GPRIN3: variants seen among roughly 807,000 people sequenced by gnomAD.
The protein encoded by GPRIN3 is GPRIN family member 3, also known as G protein-regulated inducer of neurite outgrowth 3.
GPRIN3 carries 12 observed loss-of-function variants against 13.7 expected under a neutral mutation model. That is an observed-to-expected ratio of 0.87 (90% CI 0.56 to 1.42). The LOEUF (loss-of-function observed/expected upper bound fraction) is 1.42. Among genes scored for constraint, GPRIN3 ranks in the 40% most tolerant of loss-of-function variants. The probability of loss-of-function intolerance (pLI) is 0.00; values close to 1 mark genes in which losing one functional copy is unlikely to be tolerated. For synonymous variants in GPRIN3, 377 were observed against 372.7 expected (o/e 1.01, Z -0.13); for missense variants, 1,009 against 958.7 (o/e 1.05, Z -0.69).
intron 1 of GPRIN3, chr4:89,251,174 A>C (rs1723315577): frequency 1.3e-5 from 2 of 152,224 alleles, no homozygotes; most frequent in African/African-American, 4.8e-5. Context: ...ATAGTTTACA[A>C]GATACGAAAT....
At chr4:89,287,018 A>G (rs75764336) in intron 1 of GPRIN3, among the ~76,000 whole-genome samples, 13,364 of 152,148 alleles carry the variant, frequency 0.088, 803 homozygotes, top group Non-Finnish European at 0.14. Context: ...CAAAACAACT[A>G]CTCTGGCCTC....
At chr4:89,266,379 G>A (rs1723779804) in intron 1 of GPRIN3, among the ~76,000 whole-genome samples, 1 of 152,190 alleles carries the variant, frequency 6.6e-6, no homozygotes, top group South Asian at 2.1e-4. Flanking sequence ...ACCTGTCACT[G>A]ATATTGCATG....
rs1288415911 is a variant in GPRIN3, at chr4:89,279,266, A to G, written c.-124+28349T>C. Among the ~76,000 whole-genome samples, 4 of 152,160 alleles carry G rather than the reference A, an allele frequency of 2.6e-5. No homozygotes were observed. In the East Asian group the frequency reaches 7.7e-4, roughly 29 times the overall value. ...GAAATTGCTCAACTGCCTTTAAAAC[A>G]TGTCCTCAGTAGACTCCTTTATTTG... On this transcript the variant is annotated intron_variant, in intron 1 of 1. Coordinates refer to ENST00000609438, the MANE Select transcript of GPRIN3 (RefSeq NM_198281.3).
intron 1 of GPRIN3, among the ~76,000 whole-genome samples, chr4:89,278,844 G>T (rs920129122): frequency 2.0e-5 from 3 of 152,204 alleles, no homozygotes; most frequent in African/African-American, 7.2e-5. Flanking sequence ...GCCTGTCCAA[G>T]GATCTGGGGT....
chr4:89,270,571 A>ATG (rs1723910776), intron 1 of GPRIN3, among the ~76,000 whole-genome samples: 1 of 93,612 alleles, frequency 1.1e-5, no homozygotes, highest in African/African-American at 6.7e-5. Flanking sequence ...TAATTTATAT[A>ATG]TATATATATA....
intron 1 of GPRIN3, among the ~76,000 whole-genome samples, chr4:89,261,770 T>C (rs1157775336): frequency 6.6e-6 from 1 of 152,146 alleles, no homozygotes; most frequent in Non-Finnish European, 1.5e-5. Flanking sequence ...GCTATTTTGA[T>C]GAAATGAATA....
At chr4:89,257,973 G>C (rs575202796) in intron 1 of GPRIN3, among the ~76,000 whole-genome samples, 1 of 151,934 alleles carries the variant, frequency 6.6e-6, no homozygotes, top group Non-Finnish European at 1.5e-5. Context: ...ATGCATGTAC[G>C]TGTACACACA....
chr4:89,273,044 T>C (rs1724002930), intron 1 of GPRIN3, among the ~76,000 whole-genome samples: 1 of 152,180 alleles, frequency 6.6e-6, no homozygotes, highest in South Asian at 2.1e-4. Context: ...TTATTTTTCT[T>C]AATTTAAGAA....
intron 1 of GPRIN3, 43 bp from the exon 2 acceptor site, chr4:89,250,276 T>A (rs1254947865): frequency 1.2e-5 from 16 of 1,324,332 alleles, no homozygotes; most frequent in Non-Finnish European, 1.6e-5. Flanking sequence ...GTACGTCGCT[T>A]AAGGATTGAA....
At chr4:89,264,478 A>G (rs1359211184) in intron 1 of GPRIN3, among the ~76,000 whole-genome samples, 2 of 152,164 alleles carry the variant, frequency 1.3e-5, no homozygotes, top group Admixed American at 1.3e-4. Context: ...ATAACAACAC[A>G]AACAAACTAA....
At chr4:89,277,332 G>A (rs759854985) in intron 1 of GPRIN3, among the ~76,000 whole-genome samples, 38 of 152,294 alleles carry the variant, frequency 2.5e-4, no homozygotes, top group Non-Finnish European at 4.0e-4. Flanking sequence ...TGGAATGTCC[G>A]TCCCCAAGGA....
rs2149246066 is a variant in GPRIN3, at chr4:89,240,863, A to G, written c.*6917T>C. 6.6e-6 allele frequency: 1 copy of G among 152,344 alleles called. No individual in the cohort carries two copies. Among genetic ancestry groups the G allele is most frequent in the South Asian group, 2.1e-4 (1 of 4,834 alleles). 9.4% of individuals were successfully genotyped at this position (152,344 alleles called of 1,614,324 possible). ...GTGTGCCTATATATGTGGATAAGCT[A>G]TTTACATTTTTATGTGTAGAAAATG... On this transcript the variant is annotated 3_prime_UTR_variant, in exon 2 of 2. Coordinates refer to ENST00000609438, the MANE Select transcript of GPRIN3 (RefSeq NM_198281.3).
intron 1 of GPRIN3, among the ~76,000 whole-genome samples, chr4:89,262,925 G>A (rs1357103608): frequency 1.3e-5 from 2 of 151,994 alleles, no homozygotes; most frequent in African/African-American, 2.4e-5. Flanking sequence ...AAACAACTAC[G>A]AAATTAAGTC....
At chr4:89,291,288 C>G (rs1046648385) in intron 1 of GPRIN3, among the ~76,000 whole-genome samples, 2 of 152,118 alleles carry the variant, frequency 1.3e-5, no homozygotes, top group African/African-American at 4.8e-5. Context: ...ACAATCAAGA[C>G]AGAATAATTT....
rs1722906847 is a variant in GPRIN3, at chr4:89,240,949, T to G, written c.*6831A>C. The G allele has an allele frequency of 6.6e-6, 1 of 152,190 alleles. No individual in the cohort carries two copies. Among genetic ancestry groups the G allele is most frequent in the African/African-American group, 2.4e-5 (1 of 41,454 alleles). The allele number at this position is 152,190 out of a possible 1,614,324, so 9.4% of individuals were successfully genotyped here. A position where few individuals can be genotyped will look rare whatever the true frequency, so the allele number is the denominator to read the frequency against. On this transcript the variant is annotated 3_prime_UTR_variant, in exon 2 of 2. Transcript: ENST00000609438. ...GAACAACTGTTTCATCTTCCTTCTT[T>G]CCTGCAACTGCTTTGAGGATTTAGA...
At chr4:89,261,500 AG>A (rs1334432423) in intron 1 of GPRIN3, among the ~76,000 whole-genome samples, 1 of 152,184 alleles carries the variant, frequency 6.6e-6, no homozygotes, top group Non-Finnish European at 1.5e-5. Context: ...TCGGCTCTCA[AG>A]TCAAAGAGAG....
intron 1 of GPRIN3, among the ~76,000 whole-genome samples, chr4:89,261,708 G>T (rs902495549): frequency 2.3e-4 from 35 of 152,106 alleles, no homozygotes; most frequent in African/African-American, 3.1e-4. Flanking sequence ...AATAACAACA[G>T]ATTAGAAGCA....
At chr4:89,274,751 C>T (rs1371395897) in intron 1 of GPRIN3, among the ~76,000 whole-genome samples, 1 of 152,250 alleles carries the variant, frequency 6.6e-6, no homozygotes, top group African/African-American at 2.4e-5. Context: ...TTACAGGTCT[C>T]AGGAACTTGT....
At chr4:89,253,209 G>C (rs999095784) in intron 1 of GPRIN3, among the ~76,000 whole-genome samples, 1 of 152,112 alleles carries the variant, frequency 6.6e-6, no homozygotes, top group African/African-American at 2.4e-5. Flanking sequence ...ACACAGTGCA[G>C]GGTCTTGTGC....
Sources: gnomAD v4.1 joint callset for allele counts (sites outside exome capture counted in the v4.1 genomes callset) on GRCh38, gnomAD v4.1.1 for gene constraint, MANE v1.5 for transcripts, NCBI Gene and HGNC (gene_info 2026-07-23, HGNC 2026-07-21) for gene names.